CATSPERE: variants seen among roughly 807,000 people sequenced by gnomAD.
The protein encoded by CATSPERE is catsper channel auxiliary subunit epsilon, also known as cation channel sperm-associated auxiliary subunit epsilon.
A neutral mutation model predicts 114.1 loss-of-function variants in CATSPERE; 93 were observed. The observed-to-expected ratio is 0.81, with a 90% CI of 0.69 to 0.97. CATSPERE has a LOEUF of 0.97. Among genes scored for constraint, CATSPERE ranks in the 50% least tolerant of loss-of-function variants. The pLI, the probability that CATSPERE is intolerant of heterozygous loss-of-function variation, is 0.00. For missense variants in CATSPERE, 1,058 were observed against 1,131.6 expected, an observed-to-expected ratio of 0.93 and a Z score of 0.93; for synonymous variants, 341 against 384.1, an observed-to-expected ratio of 0.89 and a Z score of 1.31.
chr1:244,589,051 C>G (rs755872220), intron 14 of CATSPERE, among the ~76,000 whole-genome samples: 56 of 152,310 alleles, frequency 3.7e-4, no homozygotes, highest in Admixed American at 7.2e-4. Flanking sequence ...TGAATTTTGT[C>G]GGTTCTACTA....
rs1671562380 is a variant in CATSPERE at position 244,617,627 on chromosome 1, G to A, written c.2589G>A (p.Trp863Ter). ...GTTCTAATGGTAACCATATATTTTGGCCCATGGGCCATTCTGGAATGTATG... is the reference window on the plus strand; with the variant it reads ...GTTCTAATGGTAACCATATATTTTGACCCATGGGCCATTCTGGAATGTATG... ...INSSNGNHIF[W>*]PMGHSGMYVF... Residue 863 changes from tryptophan (W) to a stop codon, truncating the protein, a stop_gained, in exon 20 of 22, where the codon TGG becomes TGA. Transcript: ENST00000366534. LOFTEE classifies it high-confidence loss of function. 1.3e-6 allele frequency: 2 copies of A among 1,543,234 alleles called. No homozygotes were observed. The highest frequency in any genetic ancestry group is 8.7e-7 in the Non-Finnish European group (1 of 1,145,036).
chr1:244,580,237 G>C (rs972505970), intron 11 of CATSPERE, among the ~76,000 whole-genome samples: 1 of 134,460 alleles, frequency 7.4e-6, no homozygotes. Flanking sequence ...TTTTTTAGTA[G>C]AGACAGGGTT....
intron 5 of CATSPERE, among the ~76,000 whole-genome samples, chr1:244,490,055 T>C (rs1050080682): frequency 6.6e-6 from 1 of 152,104 alleles, no homozygotes; most frequent in Non-Finnish European, 1.5e-5. Context: ...CAGGAGAGGG[T>C]AAGGAGGGTA....
chr1:244,513,547 A>G (rs538877602), intron 7 of CATSPERE, among the ~76,000 whole-genome samples: 4 of 152,296 alleles, frequency 2.6e-5, no homozygotes, highest in African/African-American at 7.2e-5. Context: ...AGGCTTCTGA[A>G]TGATGCATGC....
intron 12 of CATSPERE, among the ~76,000 whole-genome samples, chr1:244,582,910 GATATATATATAT>G (rs66677443): frequency 1.4e-5 from 2 of 142,514 alleles, no homozygotes; most frequent in African/African-American, 5.6e-5. Flanking sequence ...AACAGAATTT[GATATATATATAT>G]ATATATATAT....
Position 244,561,971 on chromosome 1 carries a change from G to T in CATSPERE, c.1507+826G>T, listed in dbSNP as rs77546161. 4.6e-5 allele frequency among the ~76,000 whole-genome samples: 7 copies of T among 152,000 alleles called. No homozygotes were observed. The East Asian group carries it at 1.4e-3, about 29-fold the overall frequency. On this transcript the variant is annotated intron_variant, in intron 10 of 21. Transcript: ENST00000366534. ...GTTCGAGTCCAGCCTGTGCAACATGGTGAGACCTCATCCCTACTAAAAACT... is the reference window on the plus strand; with the variant it reads ...GTTCGAGTCCAGCCTGTGCAACATGTTGAGACCTCATCCCTACTAAAAACT...
At chr1:244,454,100 A>G (rs1224588231), upstream of CATSPERE, among the ~76,000 whole-genome samples, 1 of 152,026 alleles carries the variant, frequency 6.6e-6, no homozygotes, top group African/African-American at 2.4e-5. Flanking sequence ...ATCTCAGAAG[A>G]GGTTGCTGAT....
At chr1:244,582,989 G>C (rs898771514) in intron 12 of CATSPERE, among the ~76,000 whole-genome samples, 1 of 141,234 alleles carries the variant, frequency 7.1e-6, no homozygotes, top group African/African-American at 2.9e-5. Flanking sequence ...ATCAGTGACA[G>C]AGACTGATCA....
intron 20 of CATSPERE, among the ~76,000 whole-genome samples, chr1:244,618,832 G>T (rs1671725107): frequency 6.6e-6 from 1 of 152,152 alleles, no homozygotes; most frequent in Non-Finnish European, 1.5e-5. Flanking sequence ...TAATGGAGAA[G>T]AGTGACGTTA....
intron 5 of CATSPERE, among the ~76,000 whole-genome samples, chr1:244,487,702 A>G (rs530680701): frequency 8.3e-4 from 126 of 152,066 alleles, no homozygotes; most frequent in Non-Finnish European, 1.5e-3. Context: ...ACAGGGATTA[A>G]GGAGGGGAAG....
rs1181958352 is a variant in CATSPERE at position 244,524,888 on chromosome 1, G to T, written c.536+6190G>T. Among the ~76,000 whole-genome samples the T allele has an allele frequency of 3.4e-5, 5 of 146,930 alleles. 1 individual carries two copies. The highest frequency in any genetic ancestry group is 1.1e-4 in the African/African-American group (4 of 37,374). ...AAATAGGAACACTTTTACACTGTTG[G>T]TGGGACTGTAAACTAGTTCAACCAT... On this transcript the variant is annotated intron_variant, in intron 8 of 21. Transcript: ENST00000366534.
chr1:244,529,208 GGATCATAT>G (rs1370946105), intron 8 of CATSPERE, among the ~76,000 whole-genome samples: 5 of 152,094 alleles, frequency 3.3e-5, no homozygotes, highest in Non-Finnish European at 7.4e-5. Context: ...TGGGATTGCT[GGATCATAT>G]GGTAGTTCTA....
chr1:244,462,675 A>G (rs1460430759), intron 1 of CATSPERE, among the ~76,000 whole-genome samples: 2 of 152,204 alleles, frequency 1.3e-5, no homozygotes, highest in Non-Finnish European at 2.9e-5. Context: ...ATTTTTATTT[A>G]TAGGTATATG....
At chr1:244,545,562 T>C (rs968362769) in intron 8 of CATSPERE, among the ~76,000 whole-genome samples, 1 of 152,196 alleles carries the variant, frequency 6.6e-6, no homozygotes, top group Non-Finnish European at 1.5e-5. Flanking sequence ...ACTCCTTTTG[T>C]ATTTTGGAGA....
intron 2 of CATSPERE, among the ~76,000 whole-genome samples, chr1:244,474,697 T>C (rs1313776065): frequency 6.6e-6 from 1 of 151,634 alleles, no homozygotes; most frequent in East Asian, 1.9e-4. Flanking sequence ...TAGTCTTAAA[T>C]CACTTAATCA....
At chr1:244,639,563 T>TGTG (rs1675088419) in intron 21 of CATSPERE, among the ~76,000 whole-genome samples, 1 of 151,864 alleles carries the variant, frequency 6.6e-6, no homozygotes, top group Non-Finnish European at 1.5e-5. Context: ...GGTGGTGCCC[T>TGTG]CCTGTAATCC....
chr1:244,625,430 A>ATTTTTTTTTTTTTTTTTTTTTTTTT (rs1476267922), intron 20 of CATSPERE, among the ~76,000 whole-genome samples: 7 of 4,342 alleles, frequency 1.6e-3, no homozygotes, highest in East Asian at 0.012. Flanking sequence ...ATATATATAT[A>ATTTTTTTTTTTTTTTTTTTTTTTTT]TATTTTTTTT....
intron 8 of CATSPERE, among the ~76,000 whole-genome samples, chr1:244,542,070 A>AG (rs1467995851): frequency 6.7e-6 from 1 of 149,840 alleles, no homozygotes; most frequent in Non-Finnish European, 1.5e-5. Context: ...TGATGAGTTA[A>AG]TGGGTGCAGC....
chr1:244,497,932 C>A (rs1000433849), intron 6 of CATSPERE, among the ~76,000 whole-genome samples: 1 of 152,112 alleles, frequency 6.6e-6, no homozygotes, highest in African/African-American at 2.4e-5. Flanking sequence ...CATACATCAC[C>A]ACTGAGAGGG....
Sources: gnomAD v4.1 joint callset for allele counts (sites outside exome capture counted in the v4.1 genomes callset) on GRCh38, gnomAD v4.1.1 for gene constraint, MANE v1.5 for transcripts, NCBI Gene and HGNC (gene_info 2026-07-23, HGNC 2026-07-21) for gene names.